MAP2K6: variants seen among roughly 807,000 people sequenced by gnomAD.
The protein encoded by MAP2K6 is dual specificity mitogen-activated protein kinase kinase 6.
In MAP2K6, 16 loss-of-function variants were observed where a neutral mutation model predicts 53.7. The observed-to-expected ratio is 0.30, with a 90% CI of 0.20 to 0.45. MAP2K6 has a LOEUF of 0.45. Among genes scored for constraint, MAP2K6 ranks in the 20% least tolerant of loss-of-function variants. The pLI, the probability that MAP2K6 is intolerant of heterozygous loss-of-function variation, is 1.00. For missense variants in MAP2K6, 204 were observed against 411.9 expected, an observed-to-expected ratio of 0.50 and a Z score of 4.37; for synonymous variants, 132 against 143.1, an observed-to-expected ratio of 0.92 and a Z score of 0.55.
intron 10 of MAP2K6, among the ~76,000 whole-genome samples, chr17:69,528,887 A>AAAAAG (rs530149092): frequency 7.5e-6 from 1 of 132,798 alleles, no homozygotes. Context: ...AAAAAAAAAA[A>AAAAAG]AGATGAGGCA....
chr17:69,454,755 G>A (rs530129971), intron 1 of MAP2K6, among the ~76,000 whole-genome samples: 1 of 152,106 alleles, frequency 6.6e-6, no homozygotes, highest in South Asian at 2.1e-4. Flanking sequence ...TGTTATTAAG[G>A]CAACATAGGA....
chr17:69,504,814 G>T (rs1909376139), intron 1 of MAP2K6, among the ~76,000 whole-genome samples: 1 of 152,012 alleles, frequency 6.6e-6, no homozygotes, highest in Non-Finnish European at 1.5e-5. Flanking sequence ...CTTTCCATTT[G>T]GCCCAAGAAG....
At chr17:69,521,827 A>AC (rs1474903209) in intron 7 of MAP2K6, 1 of 150,866 alleles carries the variant, frequency 6.6e-6, no homozygotes, top group East Asian at 1.9e-4. Context: ...AAAAAAAAAA[A>AC]AAAAAACCAC....
chr17:69,471,793 C>A (rs1907990396), intron 1 of MAP2K6, among the ~76,000 whole-genome samples: 1 of 152,162 alleles, frequency 6.6e-6, no homozygotes, highest in South Asian at 2.1e-4. Flanking sequence ...ATTCTGTAGG[C>A]TGTAAAGTCT....
intron 7 of MAP2K6, 76 bp downstream of exon 7, chr17:69,521,176 C>T: frequency 1.5e-6 from 2 of 1,340,266 alleles, no homozygotes; most frequent in South Asian, 1.2e-5. Flanking sequence ...TCTCTACCCC[C>T]AGTCCCCCAT....
Position 69,517,492 on chromosome 17 carries a change from T to G in MAP2K6, c.133-8T>G, listed in dbSNP as rs759155358. On this transcript the variant is annotated splice_region_variant and splice_polypyrimidine_tract_variant and intron_variant, in intron 3 of 11. Coordinates refer to ENST00000590474, the MANE Select transcript of MAP2K6 (RefSeq NM_002758.4). Reference sequence around the variant, plus strand: ...TTCCCATTGCATTATTCCTTTTCTCTCTTGCAGAACTTTGAGGTGAAGGCA... The same window carrying G: ...TTCCCATTGCATTATTCCTTTTCTCGCTTGCAGAACTTTGAGGTGAAGGCA... 6.5e-7 allele frequency: 1 copy of G among 1,544,304 alleles called. No homozygotes were observed. Among genetic ancestry groups the G allele is most frequent in the South Asian group, 1.2e-5 (1 of 86,012 alleles).
Position 69,553,381 on chromosome 17 carries a change from C to T in MAP2K6, c.*11628C>T, listed in dbSNP as rs1377212681. Reference sequence around the variant, plus strand: ...CCAAGGAAACAGCTGAGATATTAAACCATGTGGTTGTTCCACGGTTCATCT... The same window carrying T: ...CCAAGGAAACAGCTGAGATATTAAATCATGTGGTTGTTCCACGGTTCATCT... On this transcript the variant is annotated 3_prime_UTR_variant, in exon 12 of 12. Coordinates refer to ENST00000590474, the MANE Select transcript of MAP2K6 (RefSeq NM_002758.4). 6 of 152,156 alleles carry T rather than the reference C, an allele frequency of 3.9e-5. No homozygotes were observed. The highest frequency in any genetic ancestry group is 1.4e-4 in the African/African-American group (6 of 41,446). 9.4% of individuals were successfully genotyped at this position (152,156 alleles called of 1,614,324 possible).
rs1384518254 is a variant in MAP2K6 at position 69,551,018 on chromosome 17, GAATTGTTGT to G, written c.*9267_*9275del. The G allele has an allele frequency of 6.6e-5, 10 of 152,096 alleles. No individual in the cohort carries two copies. Among genetic ancestry groups the G allele is most frequent in the African/African-American group, 2.4e-4 (10 of 41,416 alleles). The allele number at this position is 152,096 out of a possible 1,614,324, so 9.4% of individuals were successfully genotyped here. On this transcript the variant is annotated 3_prime_UTR_variant, in exon 12 of 12. Transcript: ENST00000590474. ...AATCATTTTGAAAGAAAAATGCAAG[GAATTGTTGT>G]ATGACAGCCATGCATTATAGATCCT...
At chr17:69,534,502 G>T (rs1286035631) in intron 10 of MAP2K6, among the ~76,000 whole-genome samples, 3 of 151,396 alleles carry the variant, frequency 2.0e-5, no homozygotes, top group Non-Finnish European at 4.4e-5. Flanking sequence ...CCACAGCATT[G>T]CCTGGAACAA....
At position 69,551,769 on chromosome 17, in the gene MAP2K6, G is replaced by T. The variant is rs1020726360; in HGVS notation, c.*10016G>T. The T allele has an allele frequency of 7.9e-5, 12 of 152,002 alleles. No individual in the cohort carries two copies. The highest frequency in any genetic ancestry group is 2.4e-4 in the African/African-American group (10 of 41,378). 9.4% of individuals were successfully genotyped at this position (152,002 alleles called of 1,614,324 possible). A position where few individuals can be genotyped will look rare whatever the true frequency, so the allele number is the denominator to read the frequency against. Reference sequence around the variant, plus strand: ...ATTTTTAGAGGAAAAGTATTTTTTTGTGTAATTTGCTTACACAACTAGGAC... The same window carrying T: ...ATTTTTAGAGGAAAAGTATTTTTTTTTGTAATTTGCTTACACAACTAGGAC... On this transcript the variant is annotated 3_prime_UTR_variant, in exon 12 of 12. Transcript: ENST00000590474.
At chr17:69,467,684 A>C (rs1907858648) in intron 1 of MAP2K6, among the ~76,000 whole-genome samples, 1 of 152,220 alleles carries the variant, frequency 6.6e-6, no homozygotes, top group South Asian at 2.1e-4. Context: ...TATGTATAAC[A>C]GTAACTCCCA....
rs1367298206 is a variant in MAP2K6 at position 69,541,978 on chromosome 17, A to T, written c.*225A>T. The T allele has an allele frequency of 2.6e-5, 8 of 311,252 alleles. No individual in the cohort carries two copies. The highest frequency in any genetic ancestry group is 4.9e-5 in the Non-Finnish European group (8 of 162,860). 19.3% of individuals were successfully genotyped at this position (311,252 alleles called of 1,614,324 possible). Reference sequence around the variant, plus strand: ...GGATGAATTATGATAAAGGCTTAGGACTTCAAAAGGTGATTAAATATTTAA... The same window carrying T: ...GGATGAATTATGATAAAGGCTTAGGTCTTCAAAAGGTGATTAAATATTTAA... On this transcript the variant is annotated 3_prime_UTR_variant, in exon 12 of 12. Transcript: ENST00000590474.
At chr17:69,473,404 A>G (rs1297165068) in intron 1 of MAP2K6, among the ~76,000 whole-genome samples, 2 of 152,230 alleles carry the variant, frequency 1.3e-5, no homozygotes, top group Non-Finnish European at 2.9e-5. Context: ...CTATGCAAGC[A>G]TATATAGTTA....
At position 69,543,274 on chromosome 17, in the gene MAP2K6, T is replaced by C. The variant is rs1385413828; in HGVS notation, c.*1521T>C. The C allele has an allele frequency of 6.6e-6, 1 of 152,192 alleles. No homozygotes were observed. The highest frequency in any genetic ancestry group is 1.5e-5 in the Non-Finnish European group (1 of 68,028). 9.4% of individuals were successfully genotyped at this position (152,192 alleles called of 1,614,324 possible). ...AAACCTTATTTTTTCTTTCTTGGCC[T>C]CAAGTTCAATATGGAGAGGATTGCT... On this transcript the variant is annotated 3_prime_UTR_variant, in exon 12 of 12. Transcript: ENST00000590474.
intron 2 of MAP2K6, among the ~76,000 whole-genome samples, chr17:69,516,397 G>A (rs540605693): frequency 2.1e-4 from 32 of 152,142 alleles, no homozygotes; most frequent in Admixed American, 1.0e-3. Flanking sequence ...TAATGTGAGC[G>A]ATGGGGAGCT....
chr17:69,530,190 C>T (rs760566495), intron 10 of MAP2K6, among the ~76,000 whole-genome samples: 7 of 152,074 alleles, frequency 4.6e-5, no homozygotes, highest in Non-Finnish European at 8.8e-5. Context: ...TGGTGTGCAC[C>T]TGGGGACCCA....
intron 1 of MAP2K6, among the ~76,000 whole-genome samples, chr17:69,463,975 C>T (rs1020243924): frequency 9.2e-5 from 14 of 151,840 alleles, no homozygotes; most frequent in East Asian, 2.0e-4. Flanking sequence ...GCCGAGATTG[C>T]GCCACTGCAC....
At chr17:69,484,293 A>T (rs1259661515) in intron 1 of MAP2K6, among the ~76,000 whole-genome samples, 1 of 152,146 alleles carries the variant, frequency 6.6e-6, no homozygotes, top group Non-Finnish European at 1.5e-5. Flanking sequence ...ATTTTACCAA[A>T]GAAGATCTAT....
At chr17:69,455,420 T>A (rs79304893) in intron 1 of MAP2K6, among the ~76,000 whole-genome samples, 2 of 152,172 alleles carry the variant, frequency 1.3e-5, no homozygotes, top group Non-Finnish European at 1.5e-5. Flanking sequence ...AATATCATGA[T>A]GTAATATGAC....
Sources: allele counts gnomAD v4.1 joint callset (sites outside exome capture counted in the v4.1 genomes callset), GRCh38; gene constraint gnomAD v4.1.1; transcripts MANE v1.5; gene names NCBI Gene and HGNC (gene_info 2026-07-23, HGNC 2026-07-21).